Variants in DNAH8 observed in about 807,000 individuals in gnomAD.
DNAH8 encodes axonemal beta dynein heavy chain 8.
A neutral mutation model predicts 562.1 loss-of-function variants in DNAH8; 382 were observed. The observed-to-expected ratio is 0.68, with a 90% CI of 0.63 to 0.74. The LOEUF (loss-of-function observed/expected upper bound fraction) is 0.74, where lower values mean the gene tolerates loss of function less well. DNAH8 is among the 30% of genes least tolerant of loss of function. DNAH8 has a pLI of 0.00. For synonymous variants in DNAH8, 1,881 were observed against 1,919.4 expected, an observed-to-expected ratio of 0.98 and a Z score of 0.52; for missense variants, 5,203 against 5,620.4, an observed-to-expected ratio of 0.93 and a Z score of 2.37.
chr6:38,812,931 C>T (rs1583071287), intron 24 of DNAH8, among the ~76,000 whole-genome samples: 1 of 152,272 alleles, frequency 6.6e-6, no homozygotes, highest in East Asian at 1.9e-4. Context: ...GGGTCTGCCT[C>T]ACAGAATTAA....
In DNAH8 at chr6:38,823,620, C is replaced by G; in HGVS notation, c.3779C>G (p.Ala1260Gly). The G allele has an allele frequency of 6.2e-7, 1 of 1,609,066 alleles. No individual in the cohort carries two copies. Among genetic ancestry groups the G allele is most frequent in the Non-Finnish European group, 8.5e-7 (1 of 1,175,762 alleles). ...ATCAGATCAGAAATTCTACACTATG[C>G]TACTTTTGAACAGGAGATTGATGAG... ...TEIRSEILHYATFEQEIDELK... is the reference protein window; with the variant it reads ...TEIRSEILHYGTFEQEIDELK... The change falls in exon 28 of 93, where the codon GCT becomes GGT. Residue 1260 changes from alanine (A) to glycine (G), a missense_variant. Coordinates refer to ENST00000327475, the MANE Select transcript of DNAH8 (RefSeq NM_001206927.2).
chr6:38,907,957 T>A lies in DNAH8; in HGVS notation c.9350T>A (p.Ile3117Asn), dbSNP rs1287636094. The change falls in exon 64 of 93, where the codon ATC (isoleucine) becomes AAC (asparagine). Residue 3117 changes from isoleucine to asparagine, a missense_variant and splice_region_variant. Physicochemically the swap from Ile to Asn is moderately radical, Grantham distance 149. Coordinates refer to ENST00000327475, the MANE Select transcript of DNAH8 (RefSeq NM_001206927.2). ...CACTTCCTTGTCCATTCCTTAAAGATCTCCAACTTGTTTGCACGAGATGAG... is the reference window on the plus strand; with the variant it reads ...CACTTCCTTGTCCATTCCTTAAAGAACTCCAACTTGTTTGCACGAGATGAG... Reference protein sequence around the residue: ...YLNNLLSSGEISNLFARDEMD... With the variant: ...YLNNLLSSGENSNLFARDEMD... 6.3e-7 allele frequency: 1 copy of A among 1,593,762 alleles called. No homozygotes were observed. Among genetic ancestry groups the A allele is most frequent in the Non-Finnish European group, 8.5e-7 (1 of 1,171,994 alleles).
chr6:38,931,817 G>A lies in DNAH8; in HGVS notation c.11281G>A (p.Val3761Ile). 6.4e-7 allele frequency: 1 copy of A among 1,550,410 alleles called. No homozygotes were observed. Among genetic ancestry groups the A allele is most frequent in the African/African-American group, 1.4e-5 (1 of 72,022 alleles). ...IKSGTTFKVK[V>I]GDKECDIMDT... ...TATATGTGAATTTATGTAGGTGAAA[G>A]TCGGTGATAAGGAATGTGATATCAT... The change falls in exon 76 of 93, where the codon GTC becomes ATC. Residue 3761 changes from valine to isoleucine, a missense_variant. Val to Ile is a conservative substitution (Grantham distance 29). This residue lies in a region of DNAH8 where 1,399 missense variants were observed against 1,518.4 expected (regional missense o/e 0.92). Coordinates refer to ENST00000327475, the MANE Select transcript of DNAH8 (RefSeq NM_001206927.2).
At chr6:38,909,893 T>A in intron 65 of DNAH8, 149 bp downstream of exon 65, 1 of 731,554 alleles carries the variant, frequency 1.4e-6, no homozygotes, top group African/African-American at 1.8e-5. Context: ...TTCTAGTGAC[T>A]ATGTATGAAG....
intron 24 of DNAH8, among the ~76,000 whole-genome samples, chr6:38,811,743 G>A (rs917739193): frequency 1.3e-5 from 2 of 152,112 alleles, no homozygotes; most frequent in African/African-American, 2.4e-5. Context: ...GCATACTTGG[G>A]TTTTAATGTG....
intron 8 of DNAH8, among the ~76,000 whole-genome samples, chr6:38,748,887 C>A (rs567188040): frequency 9.9e-5 from 15 of 151,672 alleles, no homozygotes; most frequent in African/African-American, 3.6e-4. Context: ...TTAGTTGAAT[C>A]CATTGATAGA....
chr6:38,761,649 A>G (rs1401682162), intron 10 of DNAH8, 53 bp from the exon 11 acceptor site: 10 of 1,060,518 alleles, frequency 9.4e-6, no homozygotes, highest in Non-Finnish European at 1.3e-5. Flanking sequence ...ATTTATATAT[A>G]AATGTTATTT....
At chr6:38,945,157 CA>C (rs1299560869) in intron 79 of DNAH8, among the ~76,000 whole-genome samples, 3 of 152,076 alleles carry the variant, frequency 2.0e-5, no homozygotes, top group Non-Finnish European at 4.4e-5. Context: ...TCATTGATAT[CA>C]AAATTATAAG....
chr6:38,717,912 A>G (rs1425735434), intron 1 of DNAH8, among the ~76,000 whole-genome samples: 2 of 152,204 alleles, frequency 1.3e-5, no homozygotes, highest in African/African-American at 4.8e-5. Context: ...AACCTTCTTA[A>G]AGTATGCATC....
intron 61 of DNAH8, 102 bp downstream of exon 61, chr6:38,898,482 C>T (rs1410131830): frequency 1.3e-5 from 13 of 1,014,634 alleles, no homozygotes; most frequent in Non-Finnish European, 1.8e-5. Context: ...CTATCAGGTA[C>T]CGTATAGAAG....
intron 41 of DNAH8, among the ~76,000 whole-genome samples, chr6:38,855,880 G>T (rs1678747): frequency 0.064 from 9,810 of 152,154 alleles, 970 homozygotes; most frequent in African/African-American, 0.21. Context: ...GAGATTCTCA[G>T]AGGAGGGCGA....
At chr6:38,974,664 C>T (rs77086693) in intron 85 of DNAH8, 135 bp downstream of exon 85, 13,139 of 683,248 alleles carry the variant, frequency 0.019, 857 homozygotes, top group East Asian at 0.16. Context: ...AGCACTTTCC[C>T]CACCTGGTAT....
At chr6:38,892,704 T>C (rs1583290769) in intron 58 of DNAH8, among the ~76,000 whole-genome samples, 1 of 152,174 alleles carries the variant, frequency 6.6e-6, no homozygotes, top group Non-Finnish European at 1.5e-5. Context: ...TCCTAGATGA[T>C]ATTTTTTAAA....
chr6:38,832,098 C>G (rs1188270602), intron 30 of DNAH8, among the ~76,000 whole-genome samples: 1 of 152,078 alleles, frequency 6.6e-6, no homozygotes, highest in Non-Finnish European at 1.5e-5. Context: ...CTGGATCAAC[C>G]AGAAACAGTT....
At chr6:39,017,640 G>GT (rs1389946421) in intron 91 of DNAH8, among the ~76,000 whole-genome samples, 1 of 151,978 alleles carries the variant, frequency 6.6e-6, no homozygotes, top group African/African-American at 2.4e-5. Flanking sequence ...ACTTTTTTCT[G>GT]TTATTTTTTT....
intron 21 of DNAH8, among the ~76,000 whole-genome samples, chr6:38,796,690 C>T (rs944431703): frequency 5.3e-5 from 8 of 152,178 alleles, no homozygotes; most frequent in African/African-American, 1.9e-4. Flanking sequence ...CCCGCAGTCA[C>T]GTACCCACTG....
At chr6:38,994,027 A>T (rs1459482125) in intron 88 of DNAH8, among the ~76,000 whole-genome samples, 1 of 151,196 alleles carries the variant, frequency 6.6e-6, no homozygotes, top group Non-Finnish European at 1.5e-5. Flanking sequence ...TTTTACTTGC[A>T]GTCTGTGAGT....
chr6:38,896,994 T>C (rs994647200), intron 60 of DNAH8, among the ~76,000 whole-genome samples: 11 of 151,930 alleles, frequency 7.2e-5, no homozygotes, highest in African/African-American at 1.5e-4. Flanking sequence ...ACCGTGTTGG[T>C]CCTGTGATTA....
intron 11 of DNAH8, among the ~76,000 whole-genome samples, chr6:38,765,198 A>G (rs1562701368): frequency 6.6e-6 from 1 of 152,128 alleles, no homozygotes; most frequent in Non-Finnish European, 1.5e-5. Flanking sequence ...TGAGTTCCTT[A>G]TATATTTTGG....
Sources: gnomAD v4.1 joint callset for allele counts (sites outside exome capture counted in the v4.1 genomes callset) on GRCh38, gnomAD v4.1.1 for gene constraint, gnomAD v4.1.1 regional missense constraint, MANE v1.5 for transcripts, NCBI Gene and HGNC (gene_info 2026-07-23, HGNC 2026-07-21) for gene names.